COL22A1: variants seen among roughly 807,000 people sequenced by gnomAD.
COL22A1 encodes the protein collagen alpha-1(XXII) chain.
COL22A1 carries 221 observed loss-of-function variants against 248.9 expected under a neutral mutation model. That is an observed-to-expected ratio of 0.89 (90% CI 0.80 to 0.99). The LOEUF (loss-of-function observed/expected upper bound fraction) is 0.99. Ranked by LOEUF, COL22A1 falls within the 50% of genes least tolerant of loss-of-function variation. The probability of loss-of-function intolerance (pLI) is 0.00; values close to 1 mark genes in which losing one functional copy is unlikely to be tolerated. For missense variants in COL22A1, 2,240 were observed against 2,179.0 expected, an observed-to-expected ratio of 1.03 and a Z score of -0.56; for synonymous variants, 891 against 793.4, an observed-to-expected ratio of 1.12 and a Z score of -2.07.
At chr8:138,737,420 T>C in intron 23 of COL22A1, 104 bp downstream of exon 23, 1 of 805,054 alleles carries the variant, frequency 1.2e-6, no homozygotes, top group South Asian at 1.4e-5. Context: ...TTTGATGAGG[T>C]GACCAGCAGG....
intron 6 of COL22A1, among the ~76,000 whole-genome samples, chr8:138,823,009 T>C (rs1242434269): frequency 1.3e-5 from 2 of 152,200 alleles, no homozygotes; most frequent in African/African-American, 4.8e-5. Flanking sequence ...GTTACTTTGC[T>C]ACAGCACTCG....
intron 39 of COL22A1, among the ~76,000 whole-genome samples, chr8:138,681,429 T>TAAAAATAA (rs1159893494): frequency 1.3e-5 from 2 of 151,982 alleles, no homozygotes; most frequent in African/African-American, 4.8e-5. Flanking sequence ...GGAAAAAAGG[T>TAAAAATAA]CTCCTACTGT....
chr8:138,768,070 A>G (rs549252684), intron 16 of COL22A1, among the ~76,000 whole-genome samples: 2 of 152,296 alleles, frequency 1.3e-5, no homozygotes, highest in East Asian at 1.9e-4. Context: ...GGGCCTCAGC[A>G]CACCCTGCAT....
At chr8:138,800,708 G>C (rs1297813717) in intron 11 of COL22A1, among the ~76,000 whole-genome samples, 1 of 152,140 alleles carries the variant, frequency 6.6e-6, no homozygotes, top group Non-Finnish European at 1.5e-5. Flanking sequence ...CCAGAGTTCA[G>C]AGCTCCAGAG....
At chr8:138,855,291 C>T (rs972797916) in intron 3 of COL22A1, among the ~76,000 whole-genome samples, 1 of 152,174 alleles carries the variant, frequency 6.6e-6, no homozygotes, top group African/African-American at 2.4e-5. Context: ...ATTCTCATGG[C>T]TATTGTTTGT....
chr8:138,761,454 A>G (rs994359458), intron 17 of COL22A1, among the ~76,000 whole-genome samples: 6 of 152,204 alleles, frequency 3.9e-5, no homozygotes, highest in Non-Finnish European at 8.8e-5. Context: ...GTATGATTCC[A>G]ATGTGTTACC....
intron 37 of COL22A1, among the ~76,000 whole-genome samples, chr8:138,685,928 C>T (rs149379234): frequency 7.2e-5 from 11 of 152,272 alleles, no homozygotes; most frequent in African/African-American, 2.4e-4. Flanking sequence ...CCACCCAGTG[C>T]GGGCAAATCT....
chr8:138,699,934 C>T (rs532254576), intron 32 of COL22A1, among the ~76,000 whole-genome samples, 178 bp downstream of exon 32: 136 of 152,386 alleles, frequency 8.9e-4, no homozygotes, highest in Non-Finnish European at 1.5e-3. Context: ...GAGCCAGCTC[C>T]CTGCAAGGCC....
rs756859195 is a variant in COL22A1, at chr8:138,694,826, C to T, written c.2646G>A (p.Pro882=). 1.4e-5 allele frequency: 23 copies of T among 1,613,808 alleles called. No individual in the cohort carries two copies. The highest frequency in any genetic ancestry group is 4.5e-5 in the East Asian group (2 of 44,856). The part of the protein sequence containing the change: ...EKGDPGLPGE[P]GLQGRPGELG... The stretch of plus-strand genomic sequence containing the variant: ...GGGGAAGGGGACACAAGAGACTCAC[C>T]GGTTCCCCAGGCAGGCCTGGATCGC... The change falls in exon 33 of 65, where the codon CCG becomes CCA. Residue 882 remains proline (P), a splice_region_variant and synonymous_variant. Coordinates refer to ENST00000303045, the MANE Select transcript of COL22A1 (RefSeq NM_152888.3).
At chr8:138,737,149 CA>C (rs1440656078) in intron 23 of COL22A1, among the ~76,000 whole-genome samples, 1 of 152,206 alleles carries the variant, frequency 6.6e-6, no homozygotes, top group Non-Finnish European at 1.5e-5. Context: ...CCGCTCATTC[CA>C]GCCTGGCTGG....
At chr8:138,819,056 C>A (rs1193920780) in intron 7 of COL22A1, among the ~76,000 whole-genome samples, 1 of 152,158 alleles carries the variant, frequency 6.6e-6, no homozygotes, top group Non-Finnish European at 1.5e-5. Flanking sequence ...CTCCCCACTA[C>A]CCCTGACCAA....
intron 1 of COL22A1, among the ~76,000 whole-genome samples, chr8:138,913,195 C>T (rs961272474): frequency 6.6e-6 from 1 of 151,986 alleles, no homozygotes; most frequent in Non-Finnish European, 1.5e-5. Flanking sequence ...CTCCATTTCC[C>T]CCGCATCTTT....
intron 16 of COL22A1, among the ~76,000 whole-genome samples, chr8:138,772,128 TC>T (rs1404923502): frequency 2.6e-5 from 4 of 151,994 alleles, no homozygotes. Flanking sequence ...CGCCAAAAAG[TC>T]CCATTCCACA....
At position 138,802,859 on chromosome 8, in the gene COL22A1, G is replaced by T; in HGVS notation, c.1557+13C>A. ...TGAGGTTCAGCCATGTAGAGGAGCA[G>T]CCATCTACTCACCACATCACCTTTC... On this transcript the variant is annotated intron_variant, in intron 11 of 64. Coordinates refer to ENST00000303045, the MANE Select transcript of COL22A1 (RefSeq NM_152888.3). 1 of 1,608,460 alleles carries T rather than the reference G, an allele frequency of 6.2e-7. No individual in the cohort carries two copies.
intron 52 of COL22A1, 142 bp from the exon 53 acceptor site, chr8:138,619,650 CCTT>C: frequency 1.4e-6 from 1 of 726,722 alleles, no homozygotes; most frequent in Non-Finnish European, 2.4e-6. Context: ...GTGTCTTGGT[CCTT>C]CTTAATCTAC....
At chr8:138,821,612 G>C (rs1819141346) in intron 6 of COL22A1, among the ~76,000 whole-genome samples, 1 of 152,140 alleles carries the variant, frequency 6.6e-6, no homozygotes, top group African/African-American at 2.4e-5. Context: ...TCGCACAATG[G>C]TGTTAATGAT....
intron 1 of COL22A1, among the ~76,000 whole-genome samples, chr8:138,890,292 G>C (rs573535973): frequency 1.3e-5 from 2 of 152,160 alleles, no homozygotes; most frequent in African/African-American, 4.8e-5. Flanking sequence ...AATGGTGAAA[G>C]ACTGAAAGTT....
chr8:138,792,097 C>T (rs551222277), intron 12 of COL22A1, among the ~76,000 whole-genome samples: 1 of 152,210 alleles, frequency 6.6e-6, no homozygotes, highest in South Asian at 2.1e-4. Context: ...CTTTGTGGGA[C>T]ATTTTGCCCC....
chr8:138,784,681 A>C (rs1270139152), intron 12 of COL22A1, among the ~76,000 whole-genome samples: 1 of 152,196 alleles, frequency 6.6e-6, no homozygotes, highest in East Asian at 1.9e-4. Flanking sequence ...AGGATAGTTT[A>C]TCTATTATTA....
Sources: gnomAD v4.1 joint callset for allele counts (sites outside exome capture counted in the v4.1 genomes callset) on GRCh38, gnomAD v4.1.1 for gene constraint, MANE v1.5 for transcripts, NCBI Gene and HGNC (gene_info 2026-07-23, HGNC 2026-07-21) for gene names.